Variants in SLC44A5 observed in about 807,000 individuals in gnomAD.
SLC44A5 encodes solute carrier family 44 member 5.
SLC44A5 carries 57 observed loss-of-function variants against 101.8 expected under a neutral mutation model. The observed-to-expected ratio is 0.56, with a 90% CI of 0.45 to 0.70. SLC44A5 has a LOEUF of 0.70. Ranked by LOEUF, SLC44A5 falls within the 30% of genes least tolerant of loss-of-function variation. SLC44A5 has a pLI of 0.00. For synonymous variants in SLC44A5, 281 were observed against 290.9 expected (o/e 0.97, Z 0.35); for missense variants, 737 against 853.1 (o/e 0.86, Z 1.70).
intron 14 of SLC44A5, among the ~76,000 whole-genome samples, chr1:75,221,962 T>TC (rs986400707): frequency 7.4e-5 from 11 of 147,834 alleles, no homozygotes; most frequent in South Asian, 2.1e-4. Flanking sequence ...TTCTTCTTCT[T>TC]TTTTTTTTTT....
At chr1:75,526,383 T>C (rs963823433) in intron 2 of SLC44A5, among the ~76,000 whole-genome samples, 3 of 152,180 alleles carry the variant, frequency 2.0e-5, no homozygotes, top group Admixed American at 6.5e-5. Context: ...CACAGTTAGG[T>C]TGGGGTCATG....
At chr1:75,616,040 AGCTCG>A (rs911644677), upstream of SLC44A5, among the ~76,000 whole-genome samples, 23 of 151,932 alleles carry the variant, frequency 1.5e-4, no homozygotes, top group Non-Finnish European at 3.1e-4. Context: ...CTGCGCGCTC[AGCTCG>A]GCTCGGCTCG....
chr1:75,404,035 A>G (rs112666801), intron 2 of SLC44A5, among the ~76,000 whole-genome samples: 13,813 of 152,004 alleles, frequency 0.091, 806 homozygotes, highest in Admixed American at 0.18. Flanking sequence ...AACACAGCAC[A>G]AGAACTTTGT....
intron 2 of SLC44A5, among the ~76,000 whole-genome samples, chr1:75,507,648 G>A (rs1234067815): frequency 6.6e-6 from 1 of 152,074 alleles, no homozygotes; most frequent in African/African-American, 2.4e-5. Context: ...CTGTACCTAT[G>A]GTAGAATTCA....
At chr1:75,523,140 C>T (rs1360548556) in intron 2 of SLC44A5, among the ~76,000 whole-genome samples, 1 of 152,130 alleles carries the variant, frequency 6.6e-6, no homozygotes, top group African/African-American at 2.4e-5. Flanking sequence ...CAAATGATTG[C>T]CAAGAACTCA....
At chr1:75,642,331 T>A in the SLC44A5 span, among the ~76,000 whole-genome samples, 1 of 152,024 alleles carries the variant, frequency 6.6e-6, no homozygotes, top group Non-Finnish European at 1.5e-5. Context: ...ACAAAGACAG[T>A]GAGGCTACTG....
intron 1 of SLC44A5, among the ~76,000 whole-genome samples, chr1:75,589,723 G>T (rs1210778445): frequency 1.3e-5 from 2 of 152,168 alleles, no homozygotes; most frequent in South Asian, 4.1e-4. Flanking sequence ...GGCAGCAGCT[G>T]TGTGGTAGTG....
chr1:75,488,471 G>A (rs768798058), intron 2 of SLC44A5, among the ~76,000 whole-genome samples: 3 of 152,148 alleles, frequency 2.0e-5, no homozygotes, highest in Non-Finnish European at 4.4e-5. Flanking sequence ...CATTGCATAC[G>A]TGGTCCACAT....
At chr1:75,244,914 C>A (rs1648978232) in intron 7 of SLC44A5, among the ~76,000 whole-genome samples, 1 of 152,060 alleles carries the variant, frequency 6.6e-6, no homozygotes, top group African/African-American at 2.4e-5. Flanking sequence ...TGACTTGCTC[C>A]ATCTCCCTAC....
chr1:75,486,507 A>G (rs1005617069), intron 2 of SLC44A5, among the ~76,000 whole-genome samples: 2 of 152,264 alleles, frequency 1.3e-5, no homozygotes, highest in African/African-American at 2.4e-5. Context: ...GAAATGATTT[A>G]TCTTTAAAGA....
chr1:75,498,571 GT>G (rs144615968), intron 2 of SLC44A5, among the ~76,000 whole-genome samples: 15 of 151,804 alleles, frequency 9.9e-5, no homozygotes, highest in Admixed American at 3.3e-4. Context: ...TGCTAATCCA[GT>G]TTTTTTTAAC....
chr1:75,219,223 G>T (rs1647025580), intron 16 of SLC44A5, 34 bp downstream of exon 16: 4 of 1,372,922 alleles, frequency 2.9e-6, no homozygotes, highest in African/African-American at 1.4e-5. Context: ...AGTCTATATT[G>T]AAGTAAGTAA....
chr1:75,461,515 G>A (rs1666496204), intron 2 of SLC44A5, among the ~76,000 whole-genome samples: 1 of 152,110 alleles, frequency 6.6e-6, no homozygotes, highest in African/African-American at 2.4e-5. Context: ...ATTTGTCCAA[G>A]TCAACCAAGT....
At chr1:75,607,213 G>A (rs889819410) in intron 1 of SLC44A5, among the ~76,000 whole-genome samples, 25 of 151,970 alleles carry the variant, frequency 1.6e-4, no homozygotes, top group African/African-American at 6.0e-4. Flanking sequence ...TTGATGCCAA[G>A]TCCACCTTCT....
intron 3 of SLC44A5, among the ~76,000 whole-genome samples, chr1:75,383,968 CGAA>C (rs1347191035): frequency 6.6e-6 from 1 of 151,456 alleles, no homozygotes; most frequent in African/African-American, 2.4e-5. Flanking sequence ...GCTTCATAAG[CGAA>C]GGAGAAATAA....
intron 6 of SLC44A5, among the ~76,000 whole-genome samples, chr1:75,264,340 G>A (rs1040353828): frequency 3.3e-5 from 5 of 152,168 alleles, no homozygotes; most frequent in Admixed American, 2.6e-4. Context: ...GTGCCCAGTG[G>A]CAGGGCTGCC....
intron 13 of SLC44A5, among the ~76,000 whole-genome samples, chr1:75,224,517 G>A (rs751567210): frequency 5.3e-5 from 8 of 152,168 alleles, no homozygotes; most frequent in Non-Finnish European, 7.3e-5. Flanking sequence ...GGAGGTGGAA[G>A]AAAGTGATAT....
chr1:75,416,805 T>A (rs899499764), intron 2 of SLC44A5, among the ~76,000 whole-genome samples: 1 of 152,214 alleles, frequency 6.6e-6, no homozygotes, highest in Admixed American at 6.5e-5. Flanking sequence ...CCCTGTTGGA[T>A]TTTGGACTTG....
intron 2 of SLC44A5, among the ~76,000 whole-genome samples, chr1:75,411,827 C>T (rs966608004): frequency 6.6e-6 from 1 of 152,080 alleles, no homozygotes; most frequent in Non-Finnish European, 1.5e-5. Flanking sequence ...TAACAGCTGT[C>T]ACAGCACAAT....
Sources: gnomAD v4.1 joint callset for allele counts (sites outside exome capture counted in the v4.1 genomes callset) on GRCh38, gnomAD v4.1.1 for gene constraint, MANE v1.5 for transcripts, NCBI Gene and HGNC (gene_info 2026-07-23, HGNC 2026-07-21) for gene names.